COL22A1: variants seen among roughly 807,000 people sequenced by gnomAD.
COL22A1 encodes the protein collagen type XXII alpha 1 chain.
Under a neutral mutation model 248.9 loss-of-function variants are expected in COL22A1, and 221 were observed. The observed-to-expected ratio is 0.89, with a 90% CI of 0.80 to 0.99. The LOEUF is 0.99. COL22A1 is among the 50% of genes least tolerant of loss of function. The probability of loss-of-function intolerance (pLI) is 0.00; values close to 1 mark genes in which losing one functional copy is unlikely to be tolerated. For synonymous variants in COL22A1, 891 were observed against 793.4 expected (o/e 1.12, Z -2.07); for missense variants, 2,240 against 2,179.0 (o/e 1.03, Z -0.56).
At chr8:138,762,320 G>A in intron 17 of COL22A1, 93 bp downstream of exon 17, 2 of 1,274,464 alleles carry the variant, frequency 1.6e-6, no homozygotes, top group Non-Finnish European at 1.1e-6. Flanking sequence ...AGGCCCAGGT[G>A]CTGAGGCTCT....
chr8:138,828,647 A>G (rs1176935285), intron 5 of COL22A1, among the ~76,000 whole-genome samples: 2 of 152,066 alleles, frequency 1.3e-5, no homozygotes, highest in African/African-American at 4.8e-5. Flanking sequence ...ACGAGAATCT[A>G]TAAAGAAGGT....
At chr8:138,821,541 G>T in intron 6 of COL22A1, 130 bp from the exon 7 acceptor site, 1 of 898,968 alleles carries the variant, frequency 1.1e-6, no homozygotes, top group Non-Finnish European at 1.7e-6. Flanking sequence ...TTACCAGCTG[G>T]TCACCTGCCA....
At chr8:138,888,581 C>G (rs147187170) in intron 1 of COL22A1, among the ~76,000 whole-genome samples, 4 of 152,312 alleles carry the variant, frequency 2.6e-5, no homozygotes, top group South Asian at 2.1e-4. Context: ...CTTACCAGGG[C>G]TCTAAAGGCC....
intron 1 of COL22A1, among the ~76,000 whole-genome samples, chr8:138,888,167 G>C (rs547535630): frequency 1.3e-5 from 2 of 152,298 alleles, no homozygotes; most frequent in African/African-American, 4.8e-5. Flanking sequence ...GCTGAGGATA[G>C]GTAGATAAAT....
rs1432842090 is a variant in COL22A1, at chr8:138,655,620, C to T, written c.3333+277G>A. On this transcript the variant is annotated intron_variant, in intron 45 of 64. Transcript: ENST00000303045. ...GGGCTCAGGGCTTAAGCTATCCCCA[C>T]GACATGCTGGGATAATAGGGGTGAG... Among the ~76,000 whole-genome samples, 8 of 152,126 alleles carry T rather than the reference C, an allele frequency of 5.3e-5. No homozygotes were observed. In the East Asian group the frequency reaches 9.6e-4, roughly 18 times the overall value.
At chr8:138,798,596 C>T (rs923120630) in intron 11 of COL22A1, among the ~76,000 whole-genome samples, 3 of 152,018 alleles carry the variant, frequency 2.0e-5, no homozygotes, top group African/African-American at 7.2e-5. Context: ...TATTTTTATG[C>T]GTATTACATG....
rs1400802829 is a variant in COL22A1 at position 138,751,489 on chromosome 8, C to T, written c.2054G>A (p.Arg685Lys). 1 of 1,612,588 alleles carries T rather than the reference C, an allele frequency of 6.2e-7. No homozygotes were observed. Among genetic ancestry groups the T allele is most frequent in the Non-Finnish European group, 8.5e-7 (1 of 1,179,234 alleles). The change falls in exon 22 of 65, where the codon AGG becomes AAG. Residue 685 changes from arginine to lysine, a missense_variant. By Grantham distance (26) the Arg-to-Lys change is conservative (BLOSUM62 2). Coordinates refer to ENST00000303045, the MANE Select transcript of COL22A1 (RefSeq NM_152888.3). Reference protein sequence around the residue: ...GARGPIGPEGRDGPPGLQGLR... With the variant: ...GARGPIGPEGKDGPPGLQGLR... The stretch of plus-strand genomic sequence containing the variant: ...ACCTTGCAAACCAGGAGGTCCATCC[C>T]TGCCTTCTGGGCCTATTGGACCCTT...
intron 7 of COL22A1, among the ~76,000 whole-genome samples, chr8:138,819,622 A>G (rs1818939609): frequency 6.7e-6 from 1 of 148,238 alleles, no homozygotes; most frequent in African/African-American, 2.4e-5. Context: ...TATTATATAT[A>G]ATGGTATATA....
At chr8:138,713,768 C>G (rs915998344) in intron 30 of COL22A1, among the ~76,000 whole-genome samples, 4 of 151,918 alleles carry the variant, frequency 2.6e-5, no homozygotes, top group Admixed American at 1.3e-4. Context: ...CCAAGCAGAT[C>G]TCTAAAAATT....
intron 7 of COL22A1, among the ~76,000 whole-genome samples, chr8:138,814,425 TTCTCTCTCTGTCTCTCTGTGTGTCCC>T (rs1276622154): frequency 2.6e-5 from 4 of 151,998 alleles, no homozygotes; most frequent in African/African-American, 7.3e-5. Flanking sequence ...CAGTGTGTTC[TTCTCTCTCTGTCTCTCTGTGTGTCCC>T]TCTCTCTCTC....
chr8:138,806,106 T>TAA (rs1563788549), intron 10 of COL22A1, among the ~76,000 whole-genome samples: 16 of 10,216 alleles, frequency 1.6e-3, no homozygotes, highest in African/African-American at 3.2e-3. Flanking sequence ...GATGGTGTGT[T>TAA]TGTGTGTGAT....
intron 9 of COL22A1, among the ~76,000 whole-genome samples, chr8:138,811,371 ACACG>A (rs1818213499): frequency 7.5e-6 from 1 of 133,948 alleles, no homozygotes; most frequent in Non-Finnish European, 1.7e-5. Context: ...ATATATATAT[ACACG>A]TGTATATATA....
chr8:138,881,078 C>A (rs1824165588), intron 2 of COL22A1, among the ~76,000 whole-genome samples: 1 of 152,178 alleles, frequency 6.6e-6, no homozygotes, highest in East Asian at 1.9e-4. Context: ...CCACTCCTGG[C>A]AGGTGAGTGC....
Position 138,676,530 on chromosome 8 carries a change from A to C in COL22A1, c.3150+28T>G, listed in dbSNP as rs201983867. ...GAAATGGCTGTATGTCCTGAAAGCA[A>C]GTAAGAGCTGGATAAATAAAGACTT... On this transcript the variant is annotated intron_variant, in intron 41 of 64. Coordinates refer to ENST00000303045, the MANE Select transcript of COL22A1 (RefSeq NM_152888.3). The C allele has an allele frequency of 7.2e-5, 109 of 1,513,734 alleles. 2 individuals are homozygous for C. The East Asian group carries it at 1.3e-3, about 18-fold the overall frequency. The allele number at this position is 1,513,734 out of a possible 1,614,324, so 93.8% of individuals were successfully genotyped here. A position where few individuals can be genotyped will look rare whatever the true frequency, so the allele number is the denominator to read the frequency against.
chr8:138,741,114 C>G (rs1157022886), intron 22 of COL22A1, among the ~76,000 whole-genome samples: 3 of 152,250 alleles, frequency 2.0e-5, no homozygotes, highest in African/African-American at 4.8e-5. Flanking sequence ...CAAATACCCA[C>G]TTAGGACTTC....
chr8:138,647,193 A>C (rs1207985489), intron 46 of COL22A1, among the ~76,000 whole-genome samples: 1 of 152,118 alleles, frequency 6.6e-6, no homozygotes, highest in African/African-American at 2.4e-5. Flanking sequence ...AGGCCCACCC[A>C]TGTGGTAAGG....
chr8:138,703,864 C>T (rs1339565404), intron 30 of COL22A1, among the ~76,000 whole-genome samples: 1 of 152,152 alleles, frequency 6.6e-6, no homozygotes, highest in East Asian at 1.9e-4. Flanking sequence ...TTGGGGAATT[C>T]CCTTCCCTAG....
At chr8:138,679,840 G>T (rs1825826825) in intron 39 of COL22A1, among the ~76,000 whole-genome samples, 164 bp from the exon 40 acceptor site, 1 of 152,178 alleles carries the variant, frequency 6.6e-6, no homozygotes, top group East Asian at 1.9e-4. Context: ...TTTCCTGGAT[G>T]CAGGAACAAA....
chr8:138,823,280 G>A (rs1462649745), intron 6 of COL22A1, among the ~76,000 whole-genome samples: 1 of 152,072 alleles, frequency 6.6e-6, no homozygotes, highest in African/African-American at 2.4e-5. Flanking sequence ...TATTTGCCAG[G>A]CACTGTTCTA....
Sources: allele counts gnomAD v4.1 joint callset (sites outside exome capture counted in the v4.1 genomes callset), GRCh38; gene constraint gnomAD v4.1.1; transcripts MANE v1.5; gene names NCBI Gene and HGNC (gene_info 2026-07-23, HGNC 2026-07-21).